FMO4: variants seen among roughly 807,000 people sequenced by gnomAD.
FMO4 encodes the protein dimethylaniline monooxygenase [N-oxide-forming] 4.
FMO4 carries 38 observed loss-of-function variants against 43.3 expected under a neutral mutation model. That is an observed-to-expected ratio of 0.88 (90% CI 0.68 to 1.15). The LOEUF is 1.15. Ranked by LOEUF, FMO4 falls within the 50% of genes most tolerant of loss-of-function variation. The pLI, the probability that FMO4 is intolerant of heterozygous loss-of-function variation, is 0.00. For missense variants in FMO4, 631 were observed against 663.3 expected (o/e 0.95, Z 0.54); for synonymous variants, 224 against 232.2 (o/e 0.96, Z 0.32).
chr1:171,329,847 C>T (rs569491967), intron 5 of FMO4, among the ~76,000 whole-genome samples: 29 of 152,310 alleles, frequency 1.9e-4, no homozygotes, highest in Admixed American at 1.4e-3. Context: ...GGTTTAGCAC[C>T]TCACTTGGAC....
intron 6 of FMO4, 60 bp from the exon 7 acceptor site, chr1:171,332,649 G>A: frequency 6.9e-7 from 1 of 1,439,222 alleles, no homozygotes; most frequent in Non-Finnish European, 9.7e-7. Context: ...ACACACTGAT[G>A]AAAAATACTA....
intron 5 of FMO4, among the ~76,000 whole-genome samples, chr1:171,326,866 T>C (rs1662688540): frequency 6.6e-6 from 1 of 152,258 alleles, no homozygotes; most frequent in South Asian, 2.1e-4. Flanking sequence ...AAGTTTCTTT[T>C]CTTTCCAATA....
At chr1:171,315,538 G>A (rs969015855) in intron 1 of FMO4, among the ~76,000 whole-genome samples, 4 of 151,982 alleles carry the variant, frequency 2.6e-5, no homozygotes, top group African/African-American at 9.7e-5. Context: ...TTTTACAAAT[G>A]TGGAAGCACT....
intron 5 of FMO4, among the ~76,000 whole-genome samples, chr1:171,324,678 T>G (rs1402139882): frequency 6.6e-6 from 1 of 152,048 alleles, no homozygotes; most frequent in African/African-American, 2.4e-5. Context: ...TGAGAGTATA[T>G]GATTTTTTTT....
chr1:171,337,450 G>A (rs1318481967), intron 9 of FMO4, 25 bp downstream of exon 9: 1 of 1,488,320 alleles, frequency 6.7e-7, no homozygotes, highest in Non-Finnish European at 9.4e-7. Flanking sequence ...TTGCTCTAGG[G>A]CAAACTTACA....
rs537208861 is a variant in FMO4, at chr1:171,334,457, C to T, written c.874C>T (p.Leu292Phe). The stretch of plus-strand genomic sequence containing the variant: ...GAATGATGAGCTGCCAAACTGTATC[C>T]TCTGTGGGGCAATCACTATGAAAAC... Reference protein sequence around the residue: ...IVNDELPNCILCGAITMKTSV... With the variant: ...IVNDELPNCIFCGAITMKTSV... Residue 292 changes from leucine to phenylalanine, a missense_variant, in exon 8 of 10, where the codon CTC becomes TTC. Transcript: ENST00000367749. 1.9e-6 allele frequency: 3 copies of T among 1,609,814 alleles called. No individual in the cohort carries two copies. In the African/African-American group the frequency reaches 4.0e-5, roughly 22 times the overall value.
intron 3 of FMO4, among the ~76,000 whole-genome samples, chr1:171,321,443 C>T (rs1219601475): frequency 6.6e-6 from 1 of 152,114 alleles, no homozygotes; most frequent in East Asian, 1.9e-4. Flanking sequence ...GTAGCCTACA[C>T]ACATCCTCCT....
intron 8 of FMO4, among the ~76,000 whole-genome samples, chr1:171,335,874 T>C (rs1663095675): frequency 6.6e-6 from 1 of 152,186 alleles, no homozygotes; most frequent in African/African-American, 2.4e-5. Context: ...CACAGCATTA[T>C]CCAATTACAT....
chr1:171,338,277 C>T (rs1479226923), intron 9 of FMO4, among the ~76,000 whole-genome samples: 4 of 152,154 alleles, frequency 2.6e-5, no homozygotes. Context: ...CATCTCTCAT[C>T]AGGACACTTG....
intron 2 of FMO4, among the ~76,000 whole-genome samples, chr1:171,318,084 G>A (rs1209396474): frequency 6.6e-6 from 1 of 152,110 alleles, no homozygotes; most frequent in Non-Finnish European, 1.5e-5. Flanking sequence ...GGGAGGCTGA[G>A]GCCAGCAGAT....
chr1:171,335,408 C>T (rs1363993097), intron 8 of FMO4, among the ~76,000 whole-genome samples: 2 of 152,158 alleles, frequency 1.3e-5, no homozygotes, highest in African/African-American at 2.4e-5. Flanking sequence ...ATATAACTAA[C>T]GCGTATTAAG....
intron 5 of FMO4, among the ~76,000 whole-genome samples, 183 bp from the exon 6 acceptor site, chr1:171,331,457 T>G (rs1263170880): frequency 6.6e-6 from 1 of 152,234 alleles, no homozygotes; most frequent in African/African-American, 2.4e-5. Flanking sequence ...TAAATCCACA[T>G]CTGGGCTCAC....
rs1411481616 is a variant in FMO4, at chr1:171,331,782, G to A, written c.627G>A (p.Gln209=). 1.9e-6 allele frequency: 3 copies of A among 1,613,354 alleles called. No homozygotes were observed. Among genetic ancestry groups the A allele is most frequent in the Admixed American group, 3.3e-5 (2 of 59,946 alleles). The change falls in exon 6 of 10, where the codon CAG becomes CAA. Residue 209 remains glutamine (Q), a splice_region_variant and synonymous_variant. Coordinates refer to ENST00000367749, the MANE Select transcript of FMO4 (RefSeq NM_002022.3). ...TGGAACTCAGTCGAACGGCAGCTCA[G>A]GTACATCATCTCTGAATTAATGCCC... ...IAVELSRTAA[Q]VLLSTRTGTW...
intron 9 of FMO4, among the ~76,000 whole-genome samples, chr1:171,340,779 C>G (rs945316552): frequency 6.6e-6 from 1 of 152,098 alleles, no homozygotes; most frequent in African/African-American, 2.4e-5. Flanking sequence ...TCGCTGTACA[C>G]TTTAAGATAT....
chr1:171,325,162 T>C (rs1241208591), intron 5 of FMO4, among the ~76,000 whole-genome samples: 1 of 152,140 alleles, frequency 6.6e-6, no homozygotes, highest in Non-Finnish European at 1.5e-5. Flanking sequence ...ACCAGGGCTA[T>C]CCATAGAAAG....
In FMO4 at chr1:171,323,412, G is replaced by A. The variant is rs149483133; in HGVS notation, c.321+220G>A. ...GGTGCAGTGGCTCACACCTGTAATC[G>A]CAATACTTTGGAAGGCCGAGGCAGG... is the stretch of plus-strand genomic sequence containing the variant. On this transcript the variant is annotated intron_variant, in intron 4 of 9. Coordinates refer to ENST00000367749, the MANE Select transcript of FMO4 (RefSeq NM_002022.3). 3.5e-4 allele frequency among the ~76,000 whole-genome samples: 54 copies of A among 152,168 alleles called. No individual in the cohort carries two copies. The East Asian group carries it at 4.8e-3, about 14-fold the overall frequency.
At chr1:171,334,063 C>A (rs533890507) in intron 7 of FMO4, among the ~76,000 whole-genome samples, 2 of 152,216 alleles carry the variant, frequency 1.3e-5, no homozygotes, top group South Asian at 4.2e-4. Flanking sequence ...TCCCTAGAGG[C>A]CTAAGTAATT....
chr1:171,324,707 A>T (rs967361599), intron 5 of FMO4, among the ~76,000 whole-genome samples: 1 of 152,184 alleles, frequency 6.6e-6, no homozygotes, highest in East Asian at 1.9e-4. Flanking sequence ...CAAACCAGAA[A>T]TTAAACATGT....
At chr1:171,329,940 C>T (rs765761051) in intron 5 of FMO4, among the ~76,000 whole-genome samples, 1 of 152,204 alleles carries the variant, frequency 6.6e-6, no homozygotes, top group Non-Finnish European at 1.5e-5. Context: ...ATACAATCTA[C>T]TTCTTGCCCA....
Sources: gnomAD v4.1 joint callset for allele counts (sites outside exome capture counted in the v4.1 genomes callset) on GRCh38, gnomAD v4.1.1 for gene constraint, MANE v1.5 for transcripts, NCBI Gene and HGNC (gene_info 2026-07-23, HGNC 2026-07-21) for gene names.